Variants in ARMH3 observed in about 807,000 individuals in gnomAD.
ARMH3 encodes armadillo-like helical domain-containing protein 3.
Under a neutral mutation model 99.1 loss-of-function variants are expected in ARMH3, and 60 were observed. The ratio of observed to expected loss-of-function variants is 0.61; its 90% CI spans 0.49 to 0.75. ARMH3 has a LOEUF of 0.75. Ranked by LOEUF, ARMH3 falls within the 30% of genes least tolerant of loss-of-function variation. The pLI is 0.00. For synonymous variants in ARMH3, 285 were observed against 292.8 expected (o/e 0.97, Z 0.27); for missense variants, 679 against 843.1 (o/e 0.81, Z 2.41).
chr10:101,892,977 A>T (rs1051753646), intron 23 of ARMH3, among the ~76,000 whole-genome samples: 1 of 152,238 alleles, frequency 6.6e-6, no homozygotes, highest in African/African-American at 2.4e-5. Context: ...TCTAATTCCA[A>T]AGTAGGAAAG....
At position 101,956,723 on chromosome 10, in the gene ARMH3, T is replaced by C. The variant is rs570122508; in HGVS notation, c.1579A>G (p.Ile527Val). The change falls in exon 22 of 26, where the codon ATT becomes GTT. Residue 527 changes from isoleucine to valine, a missense_variant and splice_region_variant. Coordinates refer to ENST00000370033, the MANE Select transcript of ARMH3 (RefSeq NM_024541.3). The part of the protein sequence containing the change: ...KHNIFTLALM[I>V]VNLFNMFITY... ...ATAAACATATTAAATAGGTTCACAA[T>C]CTAAAAAAGAAGGAAAGGCCCATAT... 1 of 1,612,750 alleles carries C rather than the reference T, an allele frequency of 6.2e-7. No individual in the cohort carries two copies. The highest frequency in any genetic ancestry group is 2.2e-5 in the East Asian group (1 of 44,842).
intron 20 of ARMH3, among the ~76,000 whole-genome samples, chr10:101,965,764 G>A (rs1194542038): frequency 6.6e-6 from 1 of 152,156 alleles, no homozygotes; most frequent in Non-Finnish European, 1.5e-5. Context: ...TTTCATACCA[G>A]GCCCCTTGAA....
chr10:101,853,590 C>A (rs1275203994), intron 24 of ARMH3, among the ~76,000 whole-genome samples: 1 of 152,196 alleles, frequency 6.6e-6, no homozygotes, highest in Non-Finnish European at 1.5e-5. Context: ...GGTTGAAATC[C>A]CTTTCCAATC....
intron 8 of ARMH3, among the ~76,000 whole-genome samples, chr10:102,018,743 G>A (rs1457099022): frequency 2.6e-5 from 4 of 152,070 alleles, no homozygotes; most frequent in African/African-American, 9.7e-5. Flanking sequence ...ATCACTTGAG[G>A]TCAGGAGTTT....
At chr10:101,917,946 G>A (rs1366176073) in intron 23 of ARMH3, among the ~76,000 whole-genome samples, 1 of 152,128 alleles carries the variant, frequency 6.6e-6, no homozygotes, top group African/African-American at 2.4e-5. Context: ...GTTTACAGTC[G>A]TTTTGCAGTT....
chr10:101,984,046 C>T (rs554647914), intron 19 of ARMH3, among the ~76,000 whole-genome samples: 1 of 152,286 alleles, frequency 6.6e-6, no homozygotes, highest in Admixed American at 6.5e-5. Flanking sequence ...ATACAGTACA[C>T]CCAGCTGCTA....
chr10:102,002,970 A>G (rs2066399194), intron 14 of ARMH3, among the ~76,000 whole-genome samples: 1 of 149,884 alleles, frequency 6.7e-6, no homozygotes, highest in East Asian at 2.0e-4. Flanking sequence ...CAAATAAATA[A>G]ATAAATAAAT....
chr10:101,892,935 G>A (rs558214127), intron 23 of ARMH3, among the ~76,000 whole-genome samples: 1 of 152,334 alleles, frequency 6.6e-6, no homozygotes, highest in South Asian at 2.1e-4. Flanking sequence ...GAGAGCTGGA[G>A]ATAATATCTG....
At chr10:101,939,320 G>C (rs765117642) in intron 23 of ARMH3, among the ~76,000 whole-genome samples, 2 of 152,170 alleles carry the variant, frequency 1.3e-5, no homozygotes, top group Non-Finnish European at 2.9e-5. Context: ...ACCTGTGCAT[G>C]GGTGGTGCCT....
chr10:101,995,237 G>A, intron 16 of ARMH3, 60 bp downstream of exon 16: 1 of 1,417,168 alleles, frequency 7.1e-7, no homozygotes, highest in Non-Finnish European at 9.9e-7. Flanking sequence ...GTGAGGGGAG[G>A]CAGGGAAAGA....
intron 5 of ARMH3, among the ~76,000 whole-genome samples, chr10:102,027,140 G>A (rs1350011063): frequency 6.6e-6 from 1 of 152,114 alleles, no homozygotes; most frequent in Non-Finnish European, 1.5e-5. Flanking sequence ...TTAGCTGAGT[G>A]TGGTGGCGCA....
intron 23 of ARMH3, among the ~76,000 whole-genome samples, chr10:101,907,791 G>A (rs1437432013): frequency 6.6e-6 from 1 of 152,138 alleles, no homozygotes; most frequent in Non-Finnish European, 1.5e-5. Flanking sequence ...AACCGATCTT[G>A]GAAAATGCAA....
chr10:101,930,667 T>G (rs552324740), intron 23 of ARMH3, among the ~76,000 whole-genome samples: 1 of 152,284 alleles, frequency 6.6e-6, no homozygotes, highest in South Asian at 2.1e-4. Context: ...GCTGACAGCC[T>G]AAGTTCCAGT....
In ARMH3 at chr10:101,923,986, C is replaced by A. The variant is rs564783740; in HGVS notation, c.1781+15877G>T. On this transcript the variant is annotated intron_variant, in intron 23 of 25. Transcript: ENST00000370033. ...CATTTCATATAACAGCAGGCCAAAGCCCAGAAAGGGGAGAGATTAGTCCCA... is the reference window on the plus strand; with the variant it reads ...CATTTCATATAACAGCAGGCCAAAGACCAGAAAGGGGAGAGATTAGTCCCA... 7.2e-5 allele frequency among the ~76,000 whole-genome samples: 11 copies of A among 152,216 alleles called. No homozygotes were observed. The South Asian group carries it at 2.3e-3, about 32-fold the overall frequency.
intron 20 of ARMH3, among the ~76,000 whole-genome samples, chr10:101,959,451 C>T (rs1344042233): frequency 1.3e-5 from 2 of 152,180 alleles, no homozygotes; most frequent in African/African-American, 2.4e-5. Flanking sequence ...CTCTGCAAAA[C>T]GTAATGGCTA....
intron 1 of ARMH3, among the ~76,000 whole-genome samples, chr10:102,044,124 C>T (rs2067488603): frequency 7.0e-6 from 1 of 142,420 alleles, no homozygotes; most frequent in Non-Finnish European, 1.5e-5. Flanking sequence ...GACGGAGTCT[C>T]GCTCTGTCGC....
chr10:101,847,491 G>GT lies in ARMH3; in HGVS notation c.*36dup. 6.3e-7 allele frequency: 1 copy of GT among 1,594,056 alleles called. No individual in the cohort carries two copies. The highest frequency in any genetic ancestry group is 8.6e-7 in the Non-Finnish European group (1 of 1,161,870). ...CCCCTCCAGCCCATGATCCTCATGG[G>GT]TAAGGGCAGTCAGAGGCTGCTCAGG... On this transcript the variant is annotated 3_prime_UTR_variant, in exon 26 of 26. Transcript: ENST00000370033.
chr10:101,922,187 A>G (rs1404496469), intron 23 of ARMH3, among the ~76,000 whole-genome samples: 1 of 152,198 alleles, frequency 6.6e-6, no homozygotes, highest in African/African-American at 2.4e-5. Flanking sequence ...CCATATATCA[A>G]TATCTCAATT....
chr10:101,928,903 G>C (rs778802159), intron 23 of ARMH3, among the ~76,000 whole-genome samples: 1 of 151,976 alleles, frequency 6.6e-6, no homozygotes, highest in Non-Finnish European at 1.5e-5. Flanking sequence ...GCTAATTTTC[G>C]TATTTTTAGT....
Sources: gnomAD v4.1 joint callset for allele counts (sites outside exome capture counted in the v4.1 genomes callset) on GRCh38, gnomAD v4.1.1 for gene constraint, MANE v1.5 for transcripts, NCBI Gene and HGNC (gene_info 2026-07-23, HGNC 2026-07-21) for gene names.